SAMD8: variants seen among roughly 807,000 people sequenced by gnomAD.
SAMD8 encodes the protein sterile alpha motif domain containing 8.
Under a neutral mutation model 42.0 loss-of-function variants are expected in SAMD8, and 20 were observed. That is an observed-to-expected ratio of 0.48 (90% CI 0.34 to 0.69). The LOEUF is 0.69. Among genes scored for constraint, SAMD8 ranks in the 30% least tolerant of loss-of-function variants. The pLI is 0.01. For missense variants in SAMD8, 328 were observed against 511.6 expected (o/e 0.64, Z 3.46); for synonymous variants, 162 against 173.0 (o/e 0.94, Z 0.50).
chr10:75,161,017 G>C (rs752322489), intron 2 of SAMD8, among the ~76,000 whole-genome samples: 1 of 152,044 alleles, frequency 6.6e-6, no homozygotes, highest in Non-Finnish European at 1.5e-5. Context: ...GCAGTTAGCC[G>C]CGATTGCGCC....
intron 2 of SAMD8, among the ~76,000 whole-genome samples, chr10:75,163,915 A>G (rs1043981794): frequency 6.6e-6 from 1 of 152,120 alleles, no homozygotes; most frequent in Non-Finnish European, 1.5e-5. Context: ...AGAAAGAGGT[A>G]AAACAAAAAA....
At chr10:75,138,926 G>A (rs772927093) in intron 1 of SAMD8, among the ~76,000 whole-genome samples, 2 of 151,348 alleles carry the variant, frequency 1.3e-5, no homozygotes, top group Non-Finnish European at 2.9e-5. Flanking sequence ...CACCTTGATA[G>A]GTATTGACCT....
intron 1 of SAMD8, among the ~76,000 whole-genome samples, chr10:75,121,690 A>C (rs1849008722): frequency 6.6e-6 from 1 of 151,094 alleles, no homozygotes; most frequent in Non-Finnish European, 1.5e-5. Context: ...GACCTTCTTA[A>C]TTTTTTTTTC....
intron 2 of SAMD8, among the ~76,000 whole-genome samples, chr10:75,162,664 A>C (rs977927563): frequency 1.3e-4 from 19 of 151,894 alleles, no homozygotes; most frequent in Non-Finnish European, 2.5e-4. Flanking sequence ...AAAAAAAAAA[A>C]AAAAAACTGA....
intron 2 of SAMD8, among the ~76,000 whole-genome samples, chr10:75,159,578 C>G (rs139253630): frequency 6.6e-6 from 1 of 152,168 alleles, no homozygotes; most frequent in Admixed American, 6.5e-5. Flanking sequence ...GATACGTCTC[C>G]GTTGGAGGGC....
chr10:75,164,088 G>C (rs1840620010), intron 2 of SAMD8, among the ~76,000 whole-genome samples: 2 of 152,064 alleles, frequency 1.3e-5, no homozygotes, highest in Non-Finnish European at 2.9e-5. Context: ...TAGTTTCACG[G>C]GCCTTGTAGT....
At chr10:75,119,156 TG>T (rs1848948898) in intron 1 of SAMD8, among the ~76,000 whole-genome samples, 2 of 152,160 alleles carry the variant, frequency 1.3e-5, no homozygotes, top group South Asian at 2.1e-4. Context: ...AGTAATGATT[TG>T]TTTTTTTTTT....
At chr10:75,159,572 C>T (rs1381944870) in intron 2 of SAMD8, among the ~76,000 whole-genome samples, 4 of 152,180 alleles carry the variant, frequency 2.6e-5, no homozygotes, top group South Asian at 2.1e-4. Context: ...CCAGCAGATA[C>T]GTCTCCGTTG....
intron 2 of SAMD8, among the ~76,000 whole-genome samples, chr10:75,152,368 A>G (rs2134486936): frequency 6.7e-6 from 1 of 150,360 alleles, no homozygotes; most frequent in Non-Finnish European, 1.5e-5. Flanking sequence ...TAAAAATACA[A>G]AAAATTAGCC....
chr10:75,107,872 C>T (rs751355651), upstream of SAMD8: 32 of 1,226,996 alleles, frequency 2.6e-5, no homozygotes, highest in East Asian at 1.3e-4. Flanking sequence ...CCACCACACA[C>T]GGCCTAAGCA....
At chr10:75,131,492 T>G (rs1849272538) in intron 1 of SAMD8, among the ~76,000 whole-genome samples, 1 of 152,110 alleles carries the variant, frequency 6.6e-6, no homozygotes, top group South Asian at 2.1e-4. Flanking sequence ...TATAGGTTAT[T>G]TTATATTAAA....
At position 75,148,346 on chromosome 10, in the gene SAMD8, C is replaced by CTTTTTTTTTTTTTTTTTTTTTTT. The variant is rs60024591; in HGVS notation, c.-15-2165_-15-2143dup. 1.7e-4 allele frequency among the ~76,000 whole-genome samples: 14 copies of CTTTTTTTTTTTTTTTTTTTTTTT among 82,560 alleles called. 2 individuals carry two copies. Among genetic ancestry groups the CTTTTTTTTTTTTTTTTTTTTTTT allele is most frequent in the African/African-American group, 6.5e-4 (10 of 15,314 alleles). The allele number at this position is 82,560 out of a possible 152,430, so 54.2% of individuals were successfully genotyped here. A position where few individuals can be genotyped will look rare whatever the true frequency, so the allele number is the denominator to read the frequency against. Reference sequence around the variant, plus strand: ...GGGAAAGAATGCAGAGCAATACCAGCTTTTTTTTTTTTTTTTTTTTTTTTT... The same window carrying CTTTTTTTTTTTTTTTTTTTTTTT: ...GGGAAAGAATGCAGAGCAATACCAGCTTTTTTTTTTTTTTTTTTTTTTTTTTTTTTTTTTTTTTTTTTTTTTTT... On this transcript the variant is annotated intron_variant, in intron 1 of 5. Transcript: ENST00000542569.
At chr10:75,102,911 C>A (rs1408204371) in intron 1 of SAMD8, among the ~76,000 whole-genome samples, 2 of 152,150 alleles carry the variant, frequency 1.3e-5, no homozygotes, top group Non-Finnish European at 2.9e-5. Context: ...GAGATCACGC[C>A]ATTGCACTCC....
intron 3 of SAMD8, among the ~76,000 whole-genome samples, chr10:75,165,243 T>A (rs1840646964): frequency 6.6e-6 from 1 of 152,152 alleles, no homozygotes. Flanking sequence ...TGAGCTGAGA[T>A]AAGAAAGCCT....
chr10:75,161,383 C>G (rs1041977679), intron 2 of SAMD8, among the ~76,000 whole-genome samples: 2 of 152,066 alleles, frequency 1.3e-5, no homozygotes, highest in African/African-American at 4.8e-5. Flanking sequence ...GTTGGGATAT[C>G]CTTTTCTAAT....
intron 1 of SAMD8, among the ~76,000 whole-genome samples, chr10:75,133,273 C>T (rs967772030): frequency 5.9e-5 from 9 of 151,958 alleles, no homozygotes; most frequent in African/African-American, 2.2e-4. Flanking sequence ...CGTGGTGGTG[C>T]GTGCCTATAG....
At chr10:75,161,897 C>G (rs966419367) in intron 2 of SAMD8, among the ~76,000 whole-genome samples, 11 of 152,034 alleles carry the variant, frequency 7.2e-5, no homozygotes, top group African/African-American at 2.7e-4. Flanking sequence ...ATTAGCCAGG[C>G]GTGGTGGCAG....
intron 1 of SAMD8, among the ~76,000 whole-genome samples, chr10:75,134,786 G>T (rs988086491): frequency 3.3e-5 from 5 of 152,154 alleles, no homozygotes; most frequent in Non-Finnish European, 5.9e-5. Context: ...GACTGGTGTG[G>T]TGGCTTATGC....
chr10:75,134,155 G>A (rs1233657578), intron 1 of SAMD8, among the ~76,000 whole-genome samples: 1 of 152,136 alleles, frequency 6.6e-6, no homozygotes, highest in African/African-American at 2.4e-5. Context: ...TACACAGGGA[G>A]GGGAGCAACA....
Sources: allele counts gnomAD v4.1 joint callset (sites outside exome capture counted in the v4.1 genomes callset), GRCh38; gene constraint gnomAD v4.1.1; transcripts MANE v1.5; gene names NCBI Gene and HGNC (gene_info 2026-07-23, HGNC 2026-07-21).